Variants in SLC24A4 observed in about 807,000 individuals in gnomAD.
SLC24A4 encodes the protein sodium/potassium/calcium exchanger 4.
Under a neutral mutation model 79.0 loss-of-function variants are expected in SLC24A4, and 53 were observed. The ratio of observed to expected loss-of-function variants is 0.67; its 90% CI spans 0.54 to 0.84. The LOEUF is 0.84. SLC24A4 is among the 40% of genes least tolerant of loss of function. The pLI is 0.00. For synonymous variants in SLC24A4, 323 were observed against 323.8 expected, an observed-to-expected ratio of 1.00 and a Z score of 0.03; for missense variants, 731 against 822.0, an observed-to-expected ratio of 0.89 and a Z score of 1.35.
At chr14:92,346,044 A>G (rs1262401908) in intron 2 of SLC24A4, among the ~76,000 whole-genome samples, 1 of 152,078 alleles carries the variant, frequency 6.6e-6, no homozygotes, top group African/African-American at 2.4e-5. Context: ...GGGAAAGGTA[A>G]GGGAAAGGGG....
intron 2 of SLC24A4, among the ~76,000 whole-genome samples, chr14:92,368,796 A>G (rs896026173): frequency 6.6e-6 from 1 of 152,202 alleles, no homozygotes; most frequent in African/African-American, 2.4e-5. Context: ...CAGCACAACC[A>G]GAATACCCTG....
Position 92,493,695 on chromosome 14 carries a change from C to G in SLC24A4, c.*67C>G. The G allele has an allele frequency of 6.5e-7, 1 of 1,546,136 alleles. No homozygotes were observed. Among genetic ancestry groups the G allele is most frequent in the Non-Finnish European group, 8.8e-7 (1 of 1,135,320 alleles). On this transcript the variant is annotated 3_prime_UTR_variant, in exon 17 of 17. Coordinates refer to ENST00000532405, the MANE Select transcript of SLC24A4 (RefSeq NM_153646.4). ...GACACTGGCGTTCTCCTCTCCCCTC[C>G]TTCCCCCACCACAGGTCTCTCCTGC...
At chr14:92,444,147 G>A (rs990372568) in intron 7 of SLC24A4, among the ~76,000 whole-genome samples, 10 of 152,064 alleles carry the variant, frequency 6.6e-5, no homozygotes, top group African/African-American at 2.4e-4. Context: ...AGATGTCTGC[G>A]ATGATTCTAC....
At chr14:92,434,119 CA>C (rs1204201782) in intron 3 of SLC24A4, 131 bp downstream of exon 3, 3 of 724,844 alleles carry the variant, frequency 4.1e-6, no homozygotes, top group Non-Finnish European at 7.4e-6. Flanking sequence ...GGAGACTGGG[CA>C]TGTTTTACCC....
At position 92,476,546 on chromosome 14, in the gene SLC24A4, A is replaced by G. The variant is rs72631614; in HGVS notation, c.1256-6134A>G. Among the ~76,000 whole-genome samples, 1,380 of 152,338 alleles carry G rather than the reference A, an allele frequency of 9.1e-3. 66 individuals carry two copies. The East Asian group carries it at 0.14, about 16-fold the overall frequency. On this transcript the variant is annotated intron_variant, in intron 12 of 16. Transcript: ENST00000532405. ...ACAGCTAGTGCCAGTCTACTTTGCA[A>G]TTTTTAAAATTGAGATGTAATTTAT...
chr14:92,337,215 C>T (rs1885863963), intron 2 of SLC24A4, among the ~76,000 whole-genome samples: 1 of 152,064 alleles, frequency 6.6e-6, no homozygotes, highest in African/African-American at 2.4e-5. Flanking sequence ...GGCGGTCTCC[C>T]CAATTAGCAG....
chr14:92,476,304 C>A (rs993702376), intron 12 of SLC24A4, among the ~76,000 whole-genome samples: 2 of 152,116 alleles, frequency 1.3e-5, no homozygotes, highest in African/African-American at 4.8e-5. Flanking sequence ...TTTGGACAAA[C>A]CAATCAAGGC....
rs187397859 is a variant in SLC24A4 at position 92,489,201 on chromosome 14, G to A, written c.1537+2421G>A. ...ACCTGTAATCCCAGCACTTTGGGAGGTCGAGGTGGGCGGATCACCTGAGGT... is the reference window on the plus strand; with the variant it reads ...ACCTGTAATCCCAGCACTTTGGGAGATCGAGGTGGGCGGATCACCTGAGGT... On this transcript the variant is annotated intron_variant, in intron 14 of 16. Transcript: ENST00000532405. Among the ~76,000 whole-genome samples, 5 of 152,234 alleles carry A rather than the reference G, an allele frequency of 3.3e-5. No individual in the cohort carries two copies. The East Asian group carries it at 9.7e-4, about 29-fold the overall frequency.
At chr14:92,404,143 C>T (rs867174722) in intron 2 of SLC24A4, among the ~76,000 whole-genome samples, 5 of 152,188 alleles carry the variant, frequency 3.3e-5, no homozygotes, top group Admixed American at 6.5e-5. Context: ...TAAGAAGCTA[C>T]GGCTCTGACT....
intron 2 of SLC24A4, among the ~76,000 whole-genome samples, chr14:92,402,136 GAAC>G (rs745920140): frequency 2.6e-5 from 4 of 152,106 alleles, no homozygotes; most frequent in Non-Finnish European, 5.9e-5. Context: ...GGGCAAAGCT[GAAC>G]AATATTAATA....
chr14:92,465,452 C>A (rs2139874957), intron 12 of SLC24A4, among the ~76,000 whole-genome samples: 1 of 152,270 alleles, frequency 6.6e-6, no homozygotes, highest in Non-Finnish European at 1.5e-5. Context: ...GCTCTGGGAC[C>A]CATTTACATC....
At chr14:92,413,065 G>A (rs1171915424) in intron 2 of SLC24A4, among the ~76,000 whole-genome samples, 5 of 152,226 alleles carry the variant, frequency 3.3e-5, no homozygotes, top group African/African-American at 7.2e-5. Flanking sequence ...GAATAGTTGC[G>A]GCAGAGACCA....
At chr14:92,338,215 A>G (rs1885927862) in intron 2 of SLC24A4, among the ~76,000 whole-genome samples, 1 of 152,160 alleles carries the variant, frequency 6.6e-6, no homozygotes, top group Non-Finnish European at 1.5e-5. Context: ...CCCTGACACA[A>G]CCTGATTTTG....
chr14:92,448,415 C>T (rs147084271), intron 9 of SLC24A4, among the ~76,000 whole-genome samples: 1 of 147,476 alleles, frequency 6.8e-6, no homozygotes, highest in East Asian at 2.0e-4. Context: ...TGTTCAGGTT[C>T]ATCTTCCTCC....
At chr14:92,457,966 C>T (rs972317212) in intron 12 of SLC24A4, among the ~76,000 whole-genome samples, 20 of 152,198 alleles carry the variant, frequency 1.3e-4, no homozygotes. Flanking sequence ...TGCCCTGCCC[C>T]CTGCTTTCAT....
chr14:92,417,791 A>G (rs1356241895), intron 2 of SLC24A4, among the ~76,000 whole-genome samples: 1 of 152,262 alleles, frequency 6.6e-6, no homozygotes, highest in African/African-American at 2.4e-5. Context: ...CAGTACAGTT[A>G]AATGCTGCAC....
chr14:92,494,978 A>G lies in SLC24A4; in HGVS notation c.*1350A>G, dbSNP rs1895873831. ...AAAGAAAGCACAATTAATTTTATAGAGAGGTTTTTTATTTTTTTAATATTT... is the reference window on the plus strand; with the variant it reads ...AAAGAAAGCACAATTAATTTTATAGGGAGGTTTTTTATTTTTTTAATATTT... On this transcript the variant is annotated 3_prime_UTR_variant, in exon 17 of 17. Transcript: ENST00000532405. The surrounding 1 kb of genome is among the most constrained non-coding windows in gnomAD (Gnocchi z 4.6). 1 of 152,650 alleles carries G rather than the reference A, an allele frequency of 6.6e-6. No individual in the cohort carries two copies. Among genetic ancestry groups the G allele is most frequent in the Non-Finnish European group, 1.5e-5 (1 of 68,048 alleles). The allele number at this position is 152,650 out of a possible 1,614,324, so 9.5% of individuals were successfully genotyped here. A position where few individuals can be genotyped will look rare whatever the true frequency, so the allele number is the denominator to read the frequency against.
chr14:92,444,446 C>A (rs746896179), intron 7 of SLC24A4, among the ~76,000 whole-genome samples: 4 of 152,162 alleles, frequency 2.6e-5, no homozygotes, highest in Non-Finnish European at 5.9e-5. Context: ...TAATGAATGA[C>A]TGCTGATAAA....
chr14:92,331,727 T>A (rs1298217151), intron 2 of SLC24A4, among the ~76,000 whole-genome samples: 1 of 152,210 alleles, frequency 6.6e-6, no homozygotes, highest in African/African-American at 2.4e-5. Context: ...TACAGTTAAC[T>A]CTTGAACAAA....
Sources: gnomAD v4.1 joint callset for allele counts (sites outside exome capture counted in the v4.1 genomes callset) on GRCh38, gnomAD v4.1.1 for gene constraint, Gnocchi (gnomAD v3.1) non-coding constraint, MANE v1.5 for transcripts, NCBI Gene and HGNC (gene_info 2026-07-23, HGNC 2026-07-21) for gene names.